Variants in NFILZ observed in about 807,000 individuals in gnomAD.
The protein encoded by NFILZ is NFIL3 like basic leucine zipper, also known as NFIL3 like protein.
intron 3 of NFILZ, among the ~76,000 whole-genome samples, chr19:8,656,066 G>A (rs539858911): frequency 6.6e-6 from 1 of 151,742 alleles, no homozygotes; most frequent in East Asian, 1.9e-4. Flanking sequence ...CTCTGACCCG[G>A]TCCCTAAGGG....
rs1376833815 is a variant in NFILZ at position 8,679,104 on chromosome 19, G to A, written c.*1469G>A. The stretch of plus-strand genomic sequence containing the variant: ...GCTGGAACAGGAGCAGCTGTGTGAG[G>A]GCATCAGTGTCCTCTCTCTCCCTGG... On this transcript the variant is annotated 3_prime_UTR_variant, in exon 6 of 6. Transcript: ENST00000691075. Among the ~76,000 whole-genome samples the A allele has an allele frequency of 6.6e-6, 1 of 151,922 alleles. No individual in the cohort carries two copies. Among genetic ancestry groups the A allele is most frequent in the Non-Finnish European group, 1.5e-5 (1 of 67,998 alleles).
intron 3 of NFILZ, among the ~76,000 whole-genome samples, chr19:8,656,318 TCCCTGAAGCCCCCTTCTTCCTGAAG>T (rs2042995505): frequency 3.5e-5 from 3 of 85,264 alleles, no homozygotes; most frequent in African/African-American, 1.1e-4. Flanking sequence ...GCGCACCTCC[TCCCTGAAGCCCCCTTCTTCCTGAAG>T]CCCACCTCTT....
chr19:8,676,417 T>C lies in NFILZ; in HGVS notation c.-55T>C, dbSNP rs1285267708. Among the ~76,000 whole-genome samples the C allele has an allele frequency of 2.0e-5, 3 of 152,210 alleles. No homozygotes were observed. Among genetic ancestry groups the C allele is most frequent in the Admixed American group, 6.5e-5 (1 of 15,276 alleles). On this transcript the variant is annotated 5_prime_UTR_variant, in exon 5 of 6. Coordinates refer to ENST00000691075, the MANE Select transcript of NFILZ (RefSeq NM_001378600.1). ...CAAGAATCTTACCTTGGAACTCCAA[T>C]TGAACTGAGCCCTGGGCTTGTCTGC...
chr19:8,659,746 C>T (rs1316544801), intron 3 of NFILZ, among the ~76,000 whole-genome samples: 1 of 152,194 alleles, frequency 6.6e-6, no homozygotes, highest in Non-Finnish European at 1.5e-5. Context: ...AGAGGTGTCA[C>T]AGGCTCCAAT....
At position 8,638,978 on chromosome 19, in the gene NFILZ, G is replaced by T. The variant is rs183374255; in HGVS notation, c.-164+3232G>T. Among the ~76,000 whole-genome samples, 530 of 152,026 alleles carry T rather than the reference G, an allele frequency of 3.5e-3. 1 individual carries two copies. Among genetic ancestry groups the T allele is most frequent in the African/African-American group, 0.012 (506 of 41,444 alleles). On this transcript the variant is annotated intron_variant, in intron 3 of 5. Transcript: ENST00000691075. Reference sequence around the variant, plus strand: ...CCTGCCTCAGCCTCCGAGTAGCTGGGATTACAGGCGCACACCACCATGCCC... The same window carrying T: ...CCTGCCTCAGCCTCCGAGTAGCTGGTATTACAGGCGCACACCACCATGCCC...
rs566203815 is a variant in NFILZ at position 8,636,840 on chromosome 19, C to T, written c.-164+1094C>T. 9.9e-5 allele frequency among the ~76,000 whole-genome samples: 15 copies of T among 152,220 alleles called. No individual in the cohort carries two copies. The South Asian group carries it at 2.9e-3, about 29-fold the overall frequency. The stretch of plus-strand genomic sequence containing the variant: ...CTCCTGACCACAAGTGATCCGCCCA[C>T]CTTGGCCTCCCAAAGTTTTGGGATT... On this transcript the variant is annotated intron_variant, in intron 3 of 5. Transcript: ENST00000691075.
intron 3 of NFILZ, among the ~76,000 whole-genome samples, chr19:8,652,821 C>T (rs115969731): frequency 1.4e-5 from 2 of 147,258 alleles, no homozygotes; most frequent in Non-Finnish European, 3.0e-5. Flanking sequence ...CTCTCTCTCT[C>T]TTCTTTCTCA....
chr19:8,659,590 A>G (rs2043020456), intron 3 of NFILZ, among the ~76,000 whole-genome samples: 1 of 152,164 alleles, frequency 6.6e-6, no homozygotes, highest in African/African-American at 2.4e-5. Context: ...TTGATCCGTT[A>G]AAGGTTTTAA....
chr19:8,671,120 CCAAA>C (rs552941677), intron 3 of NFILZ, among the ~76,000 whole-genome samples: 45 of 152,198 alleles, frequency 3.0e-4, no homozygotes, highest in African/African-American at 1.0e-3. Context: ...CAGAAGAGGA[CCAAA>C]CAGAGCTTTG....
Position 8,631,547 on chromosome 19 carries a change from A to C in NFILZ, c.-411+803A>C, listed in dbSNP as rs560805451. Among the ~76,000 whole-genome samples, 6 of 152,278 alleles carry C rather than the reference A, an allele frequency of 3.9e-5. No homozygotes were observed. In the South Asian group the frequency reaches 1.2e-3, roughly 32 times the overall value. ...TGGGACAAAGCCCAGGGATTAGCTC[A>C]GTAGACAAACATCTGAGTCTTGGCC... On this transcript the variant is annotated intron_variant, in intron 1 of 5. Coordinates refer to ENST00000691075, the MANE Select transcript of NFILZ (RefSeq NM_001378600.1).
At chr19:8,632,274 GTC>G (rs1354327062) in intron 1 of NFILZ, among the ~76,000 whole-genome samples, 200 bp from the exon 2 acceptor site, 3 of 151,198 alleles carry the variant, frequency 2.0e-5, no homozygotes, top group African/African-American at 7.3e-5. Flanking sequence ...GTGTGTGTGT[GTC>G]AGGGGGTTAT....
chr19:8,641,422 G>T (rs1184816866), intron 3 of NFILZ, among the ~76,000 whole-genome samples: 1 of 152,138 alleles, frequency 6.6e-6, no homozygotes, highest in African/African-American at 2.4e-5. Context: ...AAAGACCACT[G>T]CTGGCCCATT....
intron 3 of NFILZ, among the ~76,000 whole-genome samples, chr19:8,655,701 C>A (rs544438728): frequency 1.5e-4 from 23 of 152,216 alleles, no homozygotes; most frequent in Non-Finnish European, 2.9e-4. Flanking sequence ...CCAGCTGCTG[C>A]CCCCTGCCTG....
intron 3 of NFILZ, among the ~76,000 whole-genome samples, chr19:8,674,020 T>C (rs1380316432): frequency 6.6e-6 from 1 of 152,198 alleles, no homozygotes; most frequent in Non-Finnish European, 1.5e-5. Context: ...TTTTGTATTT[T>C]TAGTAGAGAC....
chr19:8,649,322 G>A (rs1406648035), intron 3 of NFILZ, among the ~76,000 whole-genome samples: 1 of 151,862 alleles, frequency 6.6e-6, no homozygotes, highest in East Asian at 1.9e-4. Context: ...CTGGAGTGCA[G>A]TGGTGTTATC....
intron 3 of NFILZ, among the ~76,000 whole-genome samples, chr19:8,661,642 A>G (rs2043032296): frequency 6.6e-6 from 1 of 152,200 alleles, no homozygotes; most frequent in African/African-American, 2.4e-5. Context: ...CTGTAATCCC[A>G]ACACTTTGGG....
intron 3 of NFILZ, among the ~76,000 whole-genome samples, chr19:8,670,034 C>A (rs891991184): frequency 8.6e-5 from 13 of 151,714 alleles, no homozygotes; most frequent in African/African-American, 3.2e-4. Context: ...ATGGGTCCAG[C>A]AAAGGTGGCT....
chr19:8,657,894 A>G (rs1600148724), intron 3 of NFILZ, among the ~76,000 whole-genome samples: 1 of 152,032 alleles, frequency 6.6e-6, no homozygotes, highest in East Asian at 1.9e-4. Context: ...GGTCTCAGAG[A>G]CCACACCCCA....
chr19:8,679,803 A>G lies in NFILZ; in HGVS notation c.*2168A>G, dbSNP rs2043137070. Among the ~76,000 whole-genome samples, 2 of 152,174 alleles carry G rather than the reference A, an allele frequency of 1.3e-5. No homozygotes were observed. The highest frequency in any genetic ancestry group is 6.6e-5 in the Admixed American group (1 of 15,262). ...ATCTATAAATGTTTACCTATAAATG[A>G]GCCCATTCCCTAGAAATATATTGTG... On this transcript the variant is annotated 3_prime_UTR_variant, in exon 6 of 6. Coordinates refer to ENST00000691075, the MANE Select transcript of NFILZ (RefSeq NM_001378600.1).
Sources: gnomAD v4.1 joint callset for allele counts (sites outside exome capture counted in the v4.1 genomes callset) on GRCh38, gnomAD v4.1.1 for gene constraint, MANE v1.5 for transcripts, NCBI Gene and HGNC (gene_info 2026-07-23, HGNC 2026-07-21) for gene names.